EXOSC9: variants seen among roughly 807,000 people sequenced by gnomAD.
EXOSC9 encodes the protein exosome complex component RRP45.
A neutral mutation model predicts 56.5 loss-of-function variants in EXOSC9; 38 were observed. The observed-to-expected ratio is 0.67, with a 90% CI of 0.52 to 0.88. The LOEUF is 0.88. Among genes scored for constraint, EXOSC9 ranks in the 40% least tolerant of loss-of-function variants. EXOSC9 has a pLI of 0.00. For synonymous variants in EXOSC9, 170 were observed against 170.8 expected (o/e 0.99, Z 0.04); for missense variants, 559 against 530.5 (o/e 1.05, Z -0.53).
At position 121,804,681 on chromosome 4, in the gene EXOSC9, T is replaced by C. The variant is rs751972579; in HGVS notation, c.444T>C (p.Ala148=). The stretch of plus-strand genomic sequence containing the variant: ...ATCATGATGGAAATATTATTGATGC[T>C]GCCAGCATTGCTGCAATCGTGGCCT... ...LLNHDGNIID[A]ASIAAIVALC... Residue 148 remains alanine (A), a synonymous_variant, in exon 5 of 12, where the codon GCT becomes GCC. Transcript: ENST00000243498. 2 of 1,608,648 alleles carry C rather than the reference T, an allele frequency of 1.2e-6. No homozygotes were observed. Among genetic ancestry groups the C allele is most frequent in the Non-Finnish European group, 1.7e-6 (2 of 1,175,108 alleles).
At chr4:121,812,266 G>A (rs1304873741) in intron 8 of EXOSC9, among the ~76,000 whole-genome samples, 30 of 152,082 alleles carry the variant, frequency 2.0e-4, no homozygotes, top group Admixed American at 2.0e-3. Context: ...CAGACTCCAA[G>A]ATACAACACA....
Position 121,801,556 on chromosome 4 carries a change from A to G in EXOSC9, c.66+66A>G, listed in dbSNP as rs567336302. On this transcript the variant is annotated intron_variant, in intron 1 of 11. Transcript: ENST00000243498. Reference sequence around the variant, plus strand: ...CTCGGGTCTCAAGGTGTGGACTGATACCTGGCCCGCCTGGGCCCGGGGAGC... The same window carrying G: ...CTCGGGTCTCAAGGTGTGGACTGATGCCTGGCCCGCCTGGGCCCGGGGAGC... 1.8e-5 allele frequency: 26 copies of G among 1,477,432 alleles called. No individual in the cohort carries two copies. The East Asian group carries it at 3.4e-4, about 19-fold the overall frequency. The allele number at this position is 1,477,432 out of a possible 1,614,324, so 91.5% of individuals were successfully genotyped here.
chr4:121,802,010 A>ATACT, intron 2 of EXOSC9, 89 bp downstream of exon 2: 2 of 910,310 alleles, frequency 2.2e-6, no homozygotes, highest in Non-Finnish European at 3.6e-6. Context: ...GCAGCTAAGA[A>ATACT]GTCTGGACAG....
Position 121,801,389 on chromosome 4 carries a change from G to A in EXOSC9, c.-36G>A, listed in dbSNP as rs761746707. ...AAAGATCGGGTTCCGTTTTTCCCGC[G>A]GATTCTGGTGCCTGTGGGGCCGGTG... On this transcript the variant is annotated 5_prime_UTR_variant, in exon 1 of 12. Transcript: ENST00000243498. 8 of 1,603,994 alleles carry A rather than the reference G, an allele frequency of 5.0e-6. No homozygotes were observed. Among genetic ancestry groups the A allele is most frequent in the Admixed American group, 1.7e-5 (1 of 59,952 alleles).
At chr4:121,803,095 T>C in intron 4 of EXOSC9, 78 bp downstream of exon 4, 3 of 1,044,650 alleles carry the variant, frequency 2.9e-6, no homozygotes, top group South Asian at 1.4e-5. Flanking sequence ...CCTTTTATTC[T>C]CAGAACTTTA....
rs1166219167 is a variant in EXOSC9 at position 121,801,434 on chromosome 4, A to G, written c.10A>G (p.Thr4Ala). 2 of 1,614,140 alleles carry G rather than the reference A, an allele frequency of 1.2e-6. No homozygotes were observed. Among genetic ancestry groups the G allele is most frequent in the Admixed American group, 1.7e-5 (1 of 60,026 alleles). ...CCGGTGACCCAACACCATGAAGGAA[A>G]CGCCACTCTCAAACTGCGAACGCCG... MKETPLSNCERRFL... is the reference protein window; with the variant it reads MKEAPLSNCERRFL... Residue 4 changes from threonine to alanine, a missense_variant, in exon 1 of 12, where the codon ACG (threonine) becomes GCG (alanine). Physicochemically the swap from Thr to Ala is moderately conservative, Grantham distance 58. Coordinates refer to ENST00000243498, the MANE Select transcript of EXOSC9 (RefSeq NM_005033.3).
intron 10 of EXOSC9, chr4:121,815,134 G>T (rs972294069): frequency 6.4e-6 from 1 of 155,352 alleles, no homozygotes; most frequent in African/African-American, 2.4e-5. Flanking sequence ...AAATTTCCCA[G>T]TGGTTACTTC....
At chr4:121,814,991 A>G (rs867353933) in intron 10 of EXOSC9, 1 of 152,226 alleles carries the variant, frequency 6.6e-6, no homozygotes, top group Non-Finnish European at 1.5e-5. Flanking sequence ...TTTAATAGGA[A>G]TGTAATGCAA....
rs1578510571 is a variant in EXOSC9 at position 121,816,960 on chromosome 4, C to T, written c.*104C>T. The T allele has an allele frequency of 2.6e-6, 3 of 1,148,852 alleles. No homozygotes were observed. Among genetic ancestry groups the T allele is most frequent in the East Asian group, 2.8e-5 (1 of 35,616 alleles). 71.2% of individuals were successfully genotyped at this position (1,148,852 alleles called of 1,614,324 possible). ...TTCACAAATCCATTATAAAATCTAG[C>T]AGGATTTTAAAAATAGTTTTTTGTT... On this transcript the variant is annotated 3_prime_UTR_variant, in exon 12 of 12. Transcript: ENST00000243498.
intron 2 of EXOSC9, 42 bp from the exon 3 acceptor site, chr4:121,802,632 G>C: frequency 3.1e-6 from 5 of 1,591,232 alleles, no homozygotes; most frequent in Non-Finnish European, 3.4e-6. Context: ...GTTTTGGAAG[G>C]AGAGTCTATT....
chr4:121,802,939 GA>G lies in EXOSC9; in HGVS notation c.308del (p.Asn103IlefsTer8), dbSNP rs764730165. 6.2e-7 allele frequency: 1 copy of G among 1,613,968 alleles called. No individual in the cohort carries two copies. Among genetic ancestry groups the G allele is most frequent in the Admixed American group, 1.7e-5 (1 of 60,020 alleles). Reference protein sequence around the residue: ...GRQSDLLVKLNRLMERCLRNS... With the variant: ...GRQSDLLVKLXRLMERCLRNS... ...GGCAGTCAGATCTCTTGGTGAAGTTGAATCGACTCATGGAAAGATGTCTAAG... is the reference window on the plus strand; with the variant it reads ...GGCAGTCAGATCTCTTGGTGAAGTTGATCGACTCATGGAAAGATGTCTAAG... On this transcript the variant is annotated frameshift_variant, in exon 4 of 12. Coordinates refer to ENST00000243498, the MANE Select transcript of EXOSC9 (RefSeq NM_005033.3). LOFTEE classifies it high-confidence loss of function.
chr4:121,812,879 C>A (rs1359036707), intron 8 of EXOSC9, among the ~76,000 whole-genome samples: 2 of 152,156 alleles, frequency 1.3e-5, no homozygotes, highest in African/African-American at 4.8e-5. Context: ...GGTTGATTTC[C>A]ATCTCTACCT....
intron 6 of EXOSC9, among the ~76,000 whole-genome samples, chr4:121,809,250 G>A (rs1371916805): frequency 6.6e-6 from 1 of 151,770 alleles, no homozygotes; most frequent in Non-Finnish European, 1.5e-5. Context: ...ACCTCCCAAA[G>A]TGCTGGGATT....
At chr4:121,810,688 A>C (rs1297540959) in intron 7 of EXOSC9, among the ~76,000 whole-genome samples, 1 of 152,114 alleles carries the variant, frequency 6.6e-6, no homozygotes, top group African/African-American at 2.4e-5. Context: ...ATCTGAAAAA[A>C]TAAAAAATAA....
chr4:121,802,289 C>A (rs970309783), intron 2 of EXOSC9, among the ~76,000 whole-genome samples: 2 of 152,170 alleles, frequency 1.3e-5, no homozygotes, highest in Non-Finnish European at 2.9e-5. Context: ...TTCAGATATT[C>A]ATTTGAAAGT....
At chr4:121,814,756 C>T (rs535999548) in intron 10 of EXOSC9, 120 of 152,154 alleles carry the variant, frequency 7.9e-4, no homozygotes, top group African/African-American at 2.7e-3. Context: ...AGTATTAGAA[C>T]ATAAAAAAAT....
intron 6 of EXOSC9, among the ~76,000 whole-genome samples, chr4:121,808,075 A>G (rs904307234): frequency 2.0e-5 from 3 of 152,146 alleles, no homozygotes; most frequent in Non-Finnish European, 2.9e-5. Context: ...AAAAAAATCT[A>G]ATGTTCTTAA....
chr4:121,811,338 T>C (rs1727207164), intron 7 of EXOSC9, among the ~76,000 whole-genome samples: 1 of 152,240 alleles, frequency 6.6e-6, no homozygotes, highest in African/African-American at 2.4e-5. Context: ...GTCTGTGGCC[T>C]CTTCTGTGGT....
chr4:121,803,712 G>C (rs370623982), intron 4 of EXOSC9, among the ~76,000 whole-genome samples: 2 of 152,000 alleles, frequency 1.3e-5, no homozygotes, highest in African/African-American at 4.8e-5. Flanking sequence ...GCTAATTTTT[G>C]TATTTTTAGT....
Sources: gnomAD v4.1 joint callset for allele counts (sites outside exome capture counted in the v4.1 genomes callset) on GRCh38, gnomAD v4.1.1 for gene constraint, MANE v1.5 for transcripts, NCBI Gene and HGNC (gene_info 2026-07-23, HGNC 2026-07-21) for gene names.